PPL: variants seen among roughly 807,000 people sequenced by gnomAD.
PPL encodes the protein periplakin, also known as 190 kDa paraneoplastic pemphigus antigen.
Under a neutral mutation model 194.4 loss-of-function variants are expected in PPL, and 198 were observed. The ratio of observed to expected loss-of-function variants is 1.02; its 90% confidence interval spans 0.91 to 1.15. The LOEUF is 1.15. Among genes scored for constraint, PPL ranks in the 50% most tolerant of loss-of-function variants. The probability of loss-of-function intolerance (pLI) is 0.00; values close to 1 mark genes in which losing one functional copy is unlikely to be tolerated. For synonymous variants in PPL, 1,220 were observed against 972.4 expected (o/e 1.25, Z -4.74); for missense variants, 2,885 against 2,294.8 (o/e 1.26, Z -5.25).
chr16:4,924,402 C>A (rs1356827539), intron 1 of PPL, among the ~76,000 whole-genome samples: 1 of 152,164 alleles, frequency 6.6e-6, no homozygotes, highest in Non-Finnish European at 1.5e-5. Flanking sequence ...CTAGGTGATT[C>A]TGGGGCACCC....
intron 1 of PPL, among the ~76,000 whole-genome samples, chr16:4,926,742 G>A (rs947907873): frequency 6.6e-6 from 1 of 152,178 alleles, no homozygotes; most frequent in African/African-American, 2.4e-5. Context: ...AGCCGGGCGT[G>A]GTGGCAGGCG....
intron 2 of PPL, among the ~76,000 whole-genome samples, chr16:4,908,651 C>T (rs1361447646): frequency 1.3e-5 from 2 of 152,162 alleles, no homozygotes; most frequent in South Asian, 2.1e-4. Context: ...GAGCCTCCCA[C>T]CTCAGCCTCC....
intron 2 of PPL, among the ~76,000 whole-genome samples, chr16:4,904,921 A>T (rs955751069): frequency 6.6e-6 from 1 of 152,162 alleles, no homozygotes; most frequent in African/African-American, 2.4e-5. Flanking sequence ...GTTGCTGATG[A>T]GTACAGGGCT....
Position 4,884,565 on chromosome 16 carries a change from G to A in PPL, c.4090C>T (p.Leu1364=). The A allele has an allele frequency of 6.2e-7, 1 of 1,613,968 alleles. No individual in the cohort carries two copies. Among genetic ancestry groups the A allele is most frequent in the Non-Finnish European group, 8.5e-7 (1 of 1,180,006 alleles). ...GCAAAGGCGCTCGCCTCGGCCCGCA[G>A]GCCTGGCTCCTCCTCATACCTGACC... ...EVVRYEEEPG[L]RAEASAFAES... The change falls in exon 22 of 22, where the codon CTG becomes TTG. Residue 1364 remains leucine (L), a synonymous_variant. Transcript: ENST00000345988. The surrounding 1 kb of genome is among the most constrained non-coding windows in gnomAD (Gnocchi z 5.7).
chr16:4,888,724 G>C, intron 19 of PPL: 1 of 356,130 alleles, frequency 2.8e-6, no homozygotes, highest in Non-Finnish European at 4.8e-6. Context: ...TTTTTTTTTT[G>C]TACTTTTTCC....
intron 1 of PPL, among the ~76,000 whole-genome samples, chr16:4,925,292 C>T (rs745519042): frequency 2.6e-4 from 39 of 152,236 alleles, no homozygotes; most frequent in Non-Finnish European, 4.0e-4. Flanking sequence ...TCTGCCCCTA[C>T]CTTCTTTAAA....
intron 1 of PPL, 126 bp downstream of exon 1, chr16:4,936,858 C>T: frequency 1.0e-6 from 1 of 966,068 alleles, no homozygotes; most frequent in Non-Finnish European, 1.4e-6. Context: ...TCCCGCACTC[C>T]GGGTTCAGTT....
rs778158098 is a variant in PPL at position 4,883,800 on chromosome 16, G to C, written c.4855C>G (p.Leu1619Val). ...DSRLWSLERELDDLKRLSKDK... is the reference protein window; with the variant it reads ...DSRLWSLEREVDDLKRLSKDK... The stretch of plus-strand genomic sequence containing the variant: ...TTGGAGAGCCTCTTGAGGTCATCCA[G>C]TTCCCTCTCCAGGGACCACAGTCTG... The change falls in exon 22 of 22, where the codon CTG (leucine) becomes GTG (valine). Residue 1619 changes from leucine (L) to valine (V), a missense_variant. Transcript: ENST00000345988. This position sits in a 1 kb window ranked among gnomAD's most constrained non-coding sequence, Gnocchi z 4.8. 2 of 1,614,148 alleles carry C rather than the reference G, an allele frequency of 1.2e-6. No homozygotes were observed. Among genetic ancestry groups the C allele is most frequent in the Non-Finnish European group, 1.7e-6 (2 of 1,180,036 alleles).
At chr16:4,903,033 G>A (rs1467397119) in intron 3 of PPL, among the ~76,000 whole-genome samples, 1 of 152,292 alleles carries the variant, frequency 6.6e-6, no homozygotes, top group Middle Eastern at 3.4e-3. Flanking sequence ...AGTTTCCTGA[G>A]GGCCTACTAT....
Position 4,883,187 on chromosome 16 carries a change from A to C in PPL, c.*197T>G. ...TGAAGTACGTCACTCAGGGTGAATGATGGTTGGGACGAGAGTTGCCTGTCT... is the reference window on the plus strand; with the variant it reads ...TGAAGTACGTCACTCAGGGTGAATGCTGGTTGGGACGAGAGTTGCCTGTCT... On this transcript the variant is annotated 3_prime_UTR_variant, in exon 22 of 22. Transcript: ENST00000345988. The surrounding 1 kb of genome is among the most constrained non-coding windows in gnomAD (Gnocchi z 4.8). The C allele has an allele frequency of 1.5e-6, 1 of 650,892 alleles. No homozygotes were observed. Among genetic ancestry groups the C allele is most frequent in the Non-Finnish European group, 2.6e-6 (1 of 384,326 alleles). The allele number at this position is 650,892 out of a possible 1,614,324, so 40.3% of individuals were successfully genotyped here.
Position 4,889,049 on chromosome 16 carries a change from C to T in PPL, c.2326G>A (p.Glu776Lys), listed in dbSNP as rs2088266124. 2 of 1,613,382 alleles carry T rather than the reference C, an allele frequency of 1.2e-6. No homozygotes were observed. Among genetic ancestry groups the T allele is most frequent in the Non-Finnish European group, 1.7e-6 (2 of 1,179,614 alleles). ...KLKNQKNLLD[E>K]IASREQEVQK... ...ACTTCCTGCTCCCTACTTGCTATCT[C>T]ATCTAGCAGGTTCTGTAAGACAGAG... Residue 776 changes from glutamate to lysine, a missense_variant, in exon 19 of 22, where the codon GAG (glutamate) becomes AAG (lysine). Glu to Lys is a moderately conservative substitution (Grantham distance 56, BLOSUM62 1). Coordinates refer to ENST00000345988, the MANE Select transcript of PPL (RefSeq NM_002705.5).
rs1333988549 is a variant in PPL, at chr16:4,884,092, G to A, written c.4563C>T (p.Ser1521=). ...DTEQEIQRLK[S]SLEEESRSKR... ...TGCTGCGGCTCTCCTCCTCCAGGCT[G>A]CTCTTGAGCCTCTGGATCTCTTGCT... Residue 1521 remains serine, a synonymous_variant, in exon 22 of 22, where the codon AGC becomes AGT. Coordinates refer to ENST00000345988, the MANE Select transcript of PPL (RefSeq NM_002705.5). This position sits in a 1 kb window ranked among gnomAD's most constrained non-coding sequence, Gnocchi z 5.7. 4 of 1,612,980 alleles carry A rather than the reference G, an allele frequency of 2.5e-6. No homozygotes were observed. The South Asian group carries it at 4.4e-5, about 18-fold the overall frequency.
intron 5 of PPL, 21 bp downstream of exon 5, chr16:4,900,943 C>A (rs377300424): frequency 6.2e-7 from 1 of 1,614,086 alleles, no homozygotes; most frequent in South Asian, 1.1e-5. Flanking sequence ...TGGGTCCCCA[C>A]CACACCAGCA....
At chr16:4,927,361 C>T (rs2089172729) in intron 1 of PPL, among the ~76,000 whole-genome samples, 1 of 152,176 alleles carries the variant, frequency 6.6e-6, no homozygotes, top group African/African-American at 2.4e-5. Flanking sequence ...CCAACAGCTG[C>T]ACATCAAAAG....
At chr16:4,929,718 G>A (rs2089203602) in intron 1 of PPL, among the ~76,000 whole-genome samples, 1 of 152,076 alleles carries the variant, frequency 6.6e-6, no homozygotes, top group Non-Finnish European at 1.5e-5. Flanking sequence ...ACAGGGTCTT[G>A]CTCTGTTGCC....
rs2088448031 is a variant in PPL, at chr16:4,897,230, G to T, written c.972+445C>A. Among the ~76,000 whole-genome samples the T allele has an allele frequency of 4.7e-5, 7 of 150,070 alleles. No individual in the cohort carries two copies. In the Admixed American group the frequency reaches 4.7e-4, roughly 10 times the overall value. On this transcript the variant is annotated intron_variant, in intron 9 of 21. Transcript: ENST00000345988. ...GGCACTTGTAATCCCAGCTGTTCAGGAGGCTGAGGCAGGAGAATCACTTGA... is the reference window on the plus strand; with the variant it reads ...GGCACTTGTAATCCCAGCTGTTCAGTAGGCTGAGGCAGGAGAATCACTTGA...
In PPL at chr16:4,886,067, A is replaced by G; in HGVS notation, c.2608-20T>C. On this transcript the variant is annotated intron_variant, in intron 21 of 21. Transcript: ENST00000345988. ...CGGCTGCTGTGATGGAGAAGACAAG[A>G]CAAGGTTAAAGCCAGGCTCTGGCAG... The G allele has an allele frequency of 6.2e-7, 1 of 1,613,538 alleles. No homozygotes were observed.
chr16:4,898,004 A>C (rs912501816), intron 8 of PPL, among the ~76,000 whole-genome samples: 2 of 152,232 alleles, frequency 1.3e-5, no homozygotes, highest in African/African-American at 4.8e-5. Context: ...TGTGCAGTGC[A>C]CAAAGGGCAA....
rs756990554 is a variant in PPL at position 4,902,461 on chromosome 16, G to A, written c.383C>T (p.Ala128Val). Residue 128 changes from alanine to valine, a missense_variant, in exon 4 of 22, where the codon GCG becomes GTG. Ala to Val is a moderately conservative substitution (Grantham distance 64). Coordinates refer to ENST00000345988, the MANE Select transcript of PPL (RefSeq NM_002705.5). The surrounding 1 kb of genome is among the most constrained non-coding windows in gnomAD (Gnocchi z 4.0). ...RGKHKQIYRL[A>V]VKEVDPQVNW... Reference sequence around the variant, plus strand: ...GACCTGTGGATCCACTTCCTTCACCGCCAGCCTGTAGATCTGCTTGTGTTT... The same window carrying A: ...GACCTGTGGATCCACTTCCTTCACCACCAGCCTGTAGATCTGCTTGTGTTT... 1.2e-5 allele frequency: 19 copies of A among 1,613,888 alleles called. No individual in the cohort carries two copies. Among genetic ancestry groups the A allele is most frequent in the Admixed American group, 1.7e-5 (1 of 59,988 alleles).
Sources: gnomAD v4.1 joint callset for allele counts (sites outside exome capture counted in the v4.1 genomes callset) on GRCh38, gnomAD v4.1.1 for gene constraint, Gnocchi (gnomAD v3.1) non-coding constraint, MANE v1.5 for transcripts, NCBI Gene and HGNC (gene_info 2026-07-23, HGNC 2026-07-21) for gene names.